The following INPP5E variants were observed in gnomAD, a reference collection of about 807,000 sequenced individuals.
INPP5E encodes the protein phosphatidylinositol polyphosphate 5-phosphatase type IV.
INPP5E carries 34 observed loss-of-function variants against 50.5 expected under a neutral mutation model. The ratio of observed to expected loss-of-function variants is 0.67; its 90% CI spans 0.51 to 0.90. The LOEUF (loss-of-function observed/expected upper bound fraction) is 0.90. Among genes scored for constraint, INPP5E ranks in the 40% least tolerant of loss-of-function variants. The pLI is 0.00. For synonymous variants in INPP5E, 447 were observed against 406.0 expected (o/e 1.10, Z -1.21); for missense variants, 942 against 905.5 (o/e 1.04, Z -0.52).
At chr9:136,438,400 G>C (rs992509121) in intron 1 of INPP5E, 3 of 608,616 alleles carry the variant, frequency 4.9e-6, no homozygotes, top group Non-Finnish European at 8.8e-6. Flanking sequence ...TCACGCCCAC[G>C]AATGGTTCTG....
intron 5 of INPP5E, among the ~76,000 whole-genome samples, 176 bp downstream of exon 5, chr9:136,432,780 G>A (rs150028918): frequency 5.3e-5 from 8 of 152,346 alleles, no homozygotes; most frequent in Admixed American, 1.3e-4. Flanking sequence ...GCACGCCCTC[G>A]GTGCCGGGGT....
chr9:136,439,212 T>G lies in INPP5E; in HGVS notation c.208A>C (p.Ile70Leu), dbSNP rs1202573963. The G allele has an allele frequency of 7.2e-6, 11 of 1,538,206 alleles. No individual in the cohort carries two copies. The highest frequency in any genetic ancestry group is 9.6e-6 in the Non-Finnish European group (11 of 1,147,832). The change falls in exon 1 of 10, where the codon ATC becomes CTC. Residue 70 changes from isoleucine to leucine, a missense_variant. By Grantham distance (5) the Ile-to-Leu change is conservative (BLOSUM62 2). Coordinates refer to ENST00000371712, the MANE Select transcript of INPP5E (RefSeq NM_019892.6). Reference protein sequence around the residue: ...GEDPPARAAPIAPRPPARPRL... With the variant: ...GEDPPARAAPLAPRPPARPRL... Reference sequence around the variant, plus strand: ...GGCCTGGCGGGGGGCCGCGGGGCGATGGGTGCTGCTCGGGCTGGCGGGTCC... The same window carrying G: ...GGCCTGGCGGGGGGCCGCGGGGCGAGGGGTGCTGCTCGGGCTGGCGGGTCC...
In INPP5E at chr9:136,429,323, G is replaced by T. The variant is rs1835645051; in HGVS notation, c.*352C>A. 2 of 407,970 alleles carry T rather than the reference G, an allele frequency of 4.9e-6. No individual in the cohort carries two copies. Among genetic ancestry groups the T allele is most frequent in the African/African-American group, 2.0e-5 (1 of 48,884 alleles). The allele number at this position is 407,970 out of a possible 1,614,324, so 25.3% of individuals were successfully genotyped here. On this transcript the variant is annotated 3_prime_UTR_variant, in exon 10 of 10. Coordinates refer to ENST00000371712, the MANE Select transcript of INPP5E (RefSeq NM_019892.6). Reference sequence around the variant, plus strand: ...GTGCAGAGCACGGGGGTGTTGGGGGGCTCTGTGACTGCCCCCAGGGCACAG... The same window carrying T: ...GTGCAGAGCACGGGGGTGTTGGGGGTCTCTGTGACTGCCCCCAGGGCACAG...
In INPP5E at chr9:136,439,711, CGCCGCTCGGGGAG is replaced by C. The variant is rs1425423933; in HGVS notation, c.-305_-293del. The C allele has an allele frequency of 3.5e-6, 1 of 288,652 alleles. No individual in the cohort carries two copies. The highest frequency in any genetic ancestry group is 6.4e-6 in the Non-Finnish European group (1 of 156,026). The allele number at this position is 288,652 out of a possible 1,614,324, so 17.9% of individuals were successfully genotyped here. On this transcript the variant is annotated 5_prime_UTR_variant, in exon 1 of 10. Transcript: ENST00000371712. ...GGGGGAGGTTCGACCCCGACGGGGACGCCGCTCGGGGAGAGGGGTGGGAAGCGGGCACCCCTGG... is the reference window on the plus strand; with the variant it reads ...GGGGGAGGTTCGACCCCGACGGGGACAGGGGTGGGAAGCGGGCACCCCTGG...
chr9:136,435,362 A>G (rs1835807109), intron 1 of INPP5E, among the ~76,000 whole-genome samples: 1 of 151,906 alleles, frequency 6.6e-6, no homozygotes, highest in South Asian at 2.1e-4. Context: ...TTTGGTTTCT[A>G]GTGGGGACAG....
At position 136,438,831 on chromosome 9, in the gene INPP5E, G is replaced by C; in HGVS notation, c.589C>G (p.Leu197Val). ...GAGTCGGAGGCGATGTCCAGGCTCA[G>C]GGCAGGCGGTGGGCGCGGGGGCAGC... is the stretch of plus-strand genomic sequence containing the variant. ...SLLPPRPPPA[L>V]SLDIASDSLR... Residue 197 changes from leucine to valine, a missense_variant, in exon 1 of 10, where the codon CTG (leucine) becomes GTG (valine). Coordinates refer to ENST00000371712, the MANE Select transcript of INPP5E (RefSeq NM_019892.6). The C allele has an allele frequency of 1.9e-6, 3 of 1,610,854 alleles. No homozygotes were observed. Among genetic ancestry groups the C allele is most frequent in the South Asian group, 1.1e-5 (1 of 90,864 alleles).
chr9:136,435,078 C>T (rs990662927), intron 1 of INPP5E, among the ~76,000 whole-genome samples: 6 of 152,236 alleles, frequency 3.9e-5, no homozygotes, highest in Non-Finnish European at 8.8e-5. Flanking sequence ...GGGTTCACAC[C>T]CCCTCCCTAC....
chr9:136,438,457 C>T (rs1266791514), intron 1 of INPP5E, 151 bp downstream of exon 1: 6 of 718,284 alleles, frequency 8.4e-6, no homozygotes, highest in African/African-American at 1.7e-5. Flanking sequence ...TGGGGTGGGG[C>T]TGGGAGATGG....
chr9:136,439,368 G>C lies in INPP5E; in HGVS notation c.52C>G (p.Pro18Ala). ...TGTCCTTGGAGCGTCCTCCCTTCCG[G>C]CGGCTGCGGGGCCGGCTCGGAGGGC... ...LRPSEPAPQP[P>A]EGRTLQGQLP... Residue 18 changes from proline (P) to alanine (A), a missense_variant, in exon 1 of 10, where the codon CCG (proline) becomes GCG (alanine). Pro to Ala is a conservative substitution (Grantham distance 27). Transcript: ENST00000371712. 1 of 1,455,790 alleles carries C rather than the reference G, an allele frequency of 6.9e-7. No individual in the cohort carries two copies. The allele number at this position is 1,455,790 out of a possible 1,614,324, so 90.2% of individuals were successfully genotyped here. A position where few individuals can be genotyped will look rare whatever the true frequency, so the allele number is the denominator to read the frequency against.
Position 136,432,561 on chromosome 9 carries a change from C to T in INPP5E, c.1305G>A (p.Arg435=). 6.5e-7 allele frequency: 1 copy of T among 1,550,036 alleles called. No homozygotes were observed. The highest frequency in any genetic ancestry group is 8.7e-7 in the Non-Finnish European group (1 of 1,146,598). ...GTACAGTCCTGGTGTAGTCCAGCAG[C>T]CGCTCCGCCACCTTCCCGTCACCTG... ...FTSGDGKVAE[R]LLDYTRTVQA... Residue 435 remains arginine, a synonymous_variant, in exon 6 of 10, where the codon CGG becomes CGA. Transcript: ENST00000371712.
chr9:136,432,024 G>A (rs776896782), intron 6 of INPP5E, 39 bp from the exon 7 acceptor site: 3 of 1,611,966 alleles, frequency 1.9e-6, no homozygotes, highest in Non-Finnish European at 2.5e-6. Flanking sequence ...CAGGCAGAGG[G>A]ACGGCAGGTC....
At position 136,439,481 on chromosome 9, in the gene INPP5E, T is replaced by C; in HGVS notation, c.-62A>G. The C allele has an allele frequency of 7.9e-7, 1 of 1,270,612 alleles. No homozygotes were observed. The highest frequency in any genetic ancestry group is 1.0e-6 in the Non-Finnish European group (1 of 977,342). The allele number at this position is 1,270,612 out of a possible 1,614,324, so 78.7% of individuals were successfully genotyped here. On this transcript the variant is annotated 5_prime_UTR_variant, in exon 1 of 10. Coordinates refer to ENST00000371712, the MANE Select transcript of INPP5E (RefSeq NM_019892.6). The stretch of plus-strand genomic sequence containing the variant: ...CGCAGGCAGCGCGAGGGGTCACGGG[T>C]GCCGGGTCCGGGGTCGCCGGCGCAG...
In INPP5E at chr9:136,434,866, G is replaced by C. The variant is rs977998408; in HGVS notation, c.813-3C>G. On this transcript the variant is annotated splice_polypyrimidine_tract_variant and splice_region_variant and intron_variant, in intron 1 of 9. Coordinates refer to ENST00000371712, the MANE Select transcript of INPP5E (RefSeq NM_019892.6). The stretch of plus-strand genomic sequence containing the variant: ...GGAGGCTGCCCTCCAGGTAACTCCT[G>C]TGACGGGAGGACCCCAAGCTCAGGG... The C allele has an allele frequency of 3.1e-6, 5 of 1,604,378 alleles. No homozygotes were observed. The highest frequency in any genetic ancestry group is 4.3e-6 in the Non-Finnish European group (5 of 1,176,250).
Position 136,432,952 on chromosome 9 carries a change from T to C in INPP5E, c.1279+4A>G. ...ACCTGCGGTGCGGGCACCAAGCAAC[T>C]TACAGGTGAAGTGGGACGTGATGAA... On this transcript the variant is annotated splice_donor_region_variant and intron_variant, in intron 5 of 9. Coordinates refer to ENST00000371712, the MANE Select transcript of INPP5E (RefSeq NM_019892.6). 6.2e-7 allele frequency: 1 copy of C among 1,612,664 alleles called. No individual in the cohort carries two copies. The highest frequency in any genetic ancestry group is 1.3e-5 in the African/African-American group (1 of 75,004).
chr9:136,431,007 ATG>A lies in INPP5E; in HGVS notation c.1658_1659del (p.Ser553LeufsTer14). On this transcript the variant is annotated frameshift_variant, in exon 8 of 10. Transcript: ENST00000371712. LOFTEE classifies it high-confidence loss of function. ...CAGCGGTGGGCAGGCCTCACCGTGTATGAGGGCGTCCTCTGCTTGGAGGTGCT... is the reference window on the plus strand; with the variant it reads ...CAGCGGTGGGCAGGCCTCACCGTGTAAGGGCGTCCTCTGCTTGGAGGTGCT... ...YDSTSKQRTPSYTDRVLYRSR... is the reference protein window; with the variant it reads ...YDSTSKQRTPXYTDRVLYRSR... The A allele has an allele frequency of 1.2e-6, 2 of 1,604,374 alleles. No homozygotes were observed. Among genetic ancestry groups the A allele is most frequent in the Non-Finnish European group, 1.7e-6 (2 of 1,171,710 alleles).
chr9:136,434,703 C>CA, intron 2 of INPP5E, 37 bp downstream of exon 2: 4 of 1,582,846 alleles, frequency 2.5e-6, no homozygotes, highest in Non-Finnish European at 3.4e-6. Flanking sequence ...AGCACCACCC[C>CA]ACCCTTCCCC....
rs749680652 is a variant in INPP5E at position 136,432,969 on chromosome 9, C to T, written c.1266G>A (p.Thr422=). The change falls in exon 5 of 10, where the codon ACG becomes ACA. Residue 422 remains threonine, a synonymous_variant. Transcript: ENST00000371712. ...TFFGTSFLFI[T]SHFTSGDGKV... ...CAAGCAACTTACAGGTGAAGTGGGACGTGATGAAGAGGAAGGAAGTGCCAA... is the reference window on the plus strand; with the variant it reads ...CAAGCAACTTACAGGTGAAGTGGGATGTGATGAAGAGGAAGGAAGTGCCAA... 4.8e-5 allele frequency: 78 copies of T among 1,613,052 alleles called. No individual in the cohort carries two copies. Among genetic ancestry groups the T allele is most frequent in the Non-Finnish European group, 4.8e-5 (57 of 1,179,754 alleles).
At chr9:136,432,031 G>A (rs1245927499) in intron 6 of INPP5E, 46 bp from the exon 7 acceptor site, 2 of 1,610,684 alleles carry the variant, frequency 1.2e-6, no homozygotes, top group South Asian at 1.1e-5. Context: ...AGGGACGGCA[G>A]GTCCTTCCCC....
Position 136,434,225 on chromosome 9 carries a change from G to A in INPP5E, c.937-91C>T, listed in dbSNP as rs1278630634. On this transcript the variant is annotated intron_variant, in intron 2 of 9. Transcript: ENST00000371712. ...CCACTGCGGTGCCTTGAGTACCAGC[G>A]ACTCCTCCGAATGAGGGGAAACTGA... The A allele has an allele frequency of 1.1e-5, 10 of 871,310 alleles. No individual in the cohort carries two copies. In the Middle Eastern group the frequency reaches 6.4e-4, roughly 56 times the overall value. The allele number at this position is 871,310 out of a possible 1,614,324, so 54.0% of individuals were successfully genotyped here.
Sources: allele counts gnomAD v4.1 joint callset (sites outside exome capture counted in the v4.1 genomes callset), GRCh38; gene constraint gnomAD v4.1.1; transcripts MANE v1.5; gene names NCBI Gene and HGNC (gene_info 2026-07-23, HGNC 2026-07-21).